Variants in PLCG1 observed in about 807,000 individuals in gnomAD.
PLCG1 encodes the protein 1-phosphatidylinositol 4,5-bisphosphate phosphodiesterase gamma-1.
A neutral mutation model predicts 177.8 loss-of-function variants in PLCG1; 71 were observed. That is an observed-to-expected ratio of 0.40 (90% CI 0.33 to 0.49). The LOEUF is 0.49. Among genes scored for constraint, PLCG1 ranks in the 20% least tolerant of loss-of-function variants. PLCG1 has a pLI of 0.72. For synonymous variants in PLCG1, 658 were observed against 647.9 expected (o/e 1.02, Z -0.24); for missense variants, 1,281 against 1,709.0 (o/e 0.75, Z 4.42).
chr20:41,169,666 C>T, intron 23 of PLCG1, 140 bp downstream of exon 23: 1 of 695,748 alleles, frequency 1.4e-6, no homozygotes, highest in South Asian at 1.7e-5. Context: ...ATGCTCTGGA[C>T]ATCCCCTTGA....
rs535670614 is a variant in PLCG1, at chr20:41,168,317, C to T, written c.2379+388C>T. ...AAGGCCTGGGCCCTATTTCTCACCC[C>T]CTCCCCTCCACAGCCAGGGGACCTG... On this transcript the variant is annotated intron_variant, in intron 20 of 31. Coordinates refer to ENST00000685551, the MANE Select transcript of PLCG1 (RefSeq NM_002660.3). Among the ~76,000 whole-genome samples the T allele has an allele frequency of 3.5e-4, 53 of 152,338 alleles. 1 individual carries two copies. In the South Asian group the frequency reaches 0.011, roughly 31 times the overall value.
chr20:41,159,729 A>G lies in PLCG1; in HGVS notation c.341A>G (p.Glu114Gly). The G allele has an allele frequency of 3.7e-6, 6 of 1,614,166 alleles. No individual in the cohort carries two copies. Among genetic ancestry groups the G allele is most frequent in the Non-Finnish European group, 5.1e-6 (6 of 1,180,034 alleles). ...TGCTTTGTCATTCTCTATGGAATGG[A>G]ATTTCGCCTGAAAACGCTGAGCCTG... Reference protein sequence around the residue: ...SHCFVILYGMEFRLKTLSLQA... With the variant: ...SHCFVILYGMGFRLKTLSLQA... The change falls in exon 2 of 32, where the codon GAA becomes GGA. Residue 114 changes from glutamate to glycine, a missense_variant. Physicochemically the swap from Glu to Gly is moderately conservative, Grantham distance 98 (BLOSUM62 -2). Transcript: ENST00000685551. This position sits in a 1 kb window ranked among gnomAD's most constrained non-coding sequence, Gnocchi z 6.0.
chr20:41,152,791 G>A, intron 1 of PLCG1, among the ~76,000 whole-genome samples: 1 of 152,288 alleles, frequency 6.6e-6, no homozygotes, highest in East Asian at 1.9e-4. Flanking sequence ...GGAAGCACCA[G>A]CAGGTGTGAC....
chr20:41,176,198 A>G lies in PLCG1; in HGVS notation c.*1689A>G, dbSNP rs1465834899. ...GCTGTGCTGGGATGGAACAAAAATG[A>G]CGCCACACAAAAAATTTAAGATAGA... On this transcript the variant is annotated 3_prime_UTR_variant, in exon 32 of 32. Transcript: ENST00000685551. 6.6e-6 allele frequency: 1 copy of G among 152,126 alleles called. No individual in the cohort carries two copies. The highest frequency in any genetic ancestry group is 1.5e-5 in the Non-Finnish European group (1 of 68,022). 9.4% of individuals were successfully genotyped at this position (152,126 alleles called of 1,614,324 possible). A position where few individuals can be genotyped will look rare whatever the true frequency, so the allele number is the denominator to read the frequency against.
Position 41,159,714 on chromosome 20 carries a change from T to C in PLCG1, c.326T>C (p.Ile109Thr), listed in dbSNP as rs367808225. 3.1e-6 allele frequency: 5 copies of C among 1,614,192 alleles called. No individual in the cohort carries two copies. The highest frequency in any genetic ancestry group is 4.2e-6 in the Non-Finnish European group (5 of 1,180,024). The change falls in exon 2 of 32, where the codon ATT (isoleucine) becomes ACT (threonine). Residue 109 changes from isoleucine (I) to threonine (T), a missense_variant. By Grantham distance (89) the Ile-to-Thr change is moderately conservative (BLOSUM62 -1). Around this residue, in one of 4 missense-constraint regions of PLCG1, gnomAD observed 374 missense variants for 443.8 expected, o/e 0.84. Coordinates refer to ENST00000685551, the MANE Select transcript of PLCG1 (RefSeq NM_002660.3). This position sits in a 1 kb window ranked among gnomAD's most constrained non-coding sequence, Gnocchi z 6.0. ...FRPDQSHCFV[I>T]LYGMEFRLKT... ...CCGGACCAGTCACATTGCTTTGTCA[T>C]TCTCTATGGAATGGAATTTCGCCTG...
rs200683773 is a variant in PLCG1, at chr20:41,173,816, G to A, written c.3556+3G>A. The A allele has an allele frequency of 9.9e-6, 16 of 1,613,312 alleles. No homozygotes were observed. The East Asian group carries it at 3.3e-4, about 34-fold the overall frequency. ...CCCAGTAAAAGGCCTGAAGACAGGT[G>A]AGGACCATTCCTGGAGGCAGTGCCC... On this transcript the variant is annotated splice_donor_region_variant and intron_variant, in intron 29 of 31. Transcript: ENST00000685551. This position sits in a 1 kb window ranked among gnomAD's most constrained non-coding sequence, Gnocchi z 6.2.
chr20:41,158,592 GTTTCTAGCTGTTACGAC>G (rs1186573883), intron 1 of PLCG1, among the ~76,000 whole-genome samples: 1 of 152,186 alleles, frequency 6.6e-6, no homozygotes, highest in Non-Finnish European at 1.5e-5. Flanking sequence ...AGTGCTGGGT[GTTTCTAGCTGTTACGAC>G]TTTTGATCTT....
chr20:41,143,922 C>T (rs1163022100), intron 1 of PLCG1, among the ~76,000 whole-genome samples: 1 of 152,174 alleles, frequency 6.6e-6, no homozygotes, highest in Non-Finnish European at 1.5e-5. Context: ...TTACTCTCAC[C>T]TTTGTTAACC....
At position 41,159,797 on chromosome 20, in the gene PLCG1, G is replaced by C; in HGVS notation, c.370+39G>C. ...GGGTAGAGGAGGTAGAGGATAGTTA[G>C]GGGAATGCCTGCTGGCTCCTGCCCA... On this transcript the variant is annotated intron_variant, in intron 2 of 31. Transcript: ENST00000685551. This position sits in a 1 kb window ranked among gnomAD's most constrained non-coding sequence, Gnocchi z 6.0. The C allele has an allele frequency of 6.2e-7, 1 of 1,613,986 alleles. No homozygotes were observed. The highest frequency in any genetic ancestry group is 8.5e-7 in the Non-Finnish European group (1 of 1,179,846).
chr20:41,146,692 G>A lies in PLCG1; in HGVS notation c.217+8834G>A, dbSNP rs909976499. ...CCTGGGGATATGGTTGAGTTAAAAT[G>A]TTCTGAGGGAAATGATTGTTGAGGG... On this transcript the variant is annotated intron_variant, in intron 1 of 31. Coordinates refer to ENST00000685551, the MANE Select transcript of PLCG1 (RefSeq NM_002660.3). The surrounding 1 kb of genome is among the most constrained non-coding windows in gnomAD (Gnocchi z 6.3). Among the ~76,000 whole-genome samples, 1 of 152,218 alleles carries A rather than the reference G, an allele frequency of 6.6e-6. No individual in the cohort carries two copies. The highest frequency in any genetic ancestry group is 2.4e-5 in the African/African-American group (1 of 41,448).
At position 41,160,545 on chromosome 20, in the gene PLCG1, T is replaced by C. The variant is rs1410787224; in HGVS notation, c.512+392T>C. On this transcript the variant is annotated intron_variant, in intron 4 of 31. Coordinates refer to ENST00000685551, the MANE Select transcript of PLCG1 (RefSeq NM_002660.3). The surrounding 1 kb of genome is among the most constrained non-coding windows in gnomAD (Gnocchi z 5.5). ...AGCAAAGACCAGATAGTGTGGGTGCTGCACCATGGTGAGGTCCTTTGACCT... is the reference window on the plus strand; with the variant it reads ...AGCAAAGACCAGATAGTGTGGGTGCCGCACCATGGTGAGGTCCTTTGACCT... Among the ~76,000 whole-genome samples the C allele has an allele frequency of 6.6e-6, 1 of 152,180 alleles. No individual in the cohort carries two copies.
rs770095468 is a variant in PLCG1 at position 41,162,675 on chromosome 20, G to A, written c.631G>A (p.Gly211Arg). 9 of 1,613,834 alleles carry A rather than the reference G, an allele frequency of 5.6e-6. No homozygotes were observed. The highest frequency in any genetic ancestry group is 7.6e-6 in the Non-Finnish European group (9 of 1,179,982). The change falls in exon 6 of 32, where the codon GGG (glycine) becomes AGG (arginine). Residue 211 changes from glycine to arginine, a missense_variant. Gly to Arg is a moderately radical substitution (Grantham distance 125, BLOSUM62 -2). Around this residue, in one of 4 missense-constraint regions of PLCG1, gnomAD observed 374 missense variants for 443.8 expected, o/e 0.84. Coordinates refer to ENST00000685551, the MANE Select transcript of PLCG1 (RefSeq NM_002660.3). Reference protein sequence around the residue: ...LEQRSGDITYGQFAQLYRSLM... With the variant: ...LEQRSGDITYRQFAQLYRSLM... Reference sequence around the variant, plus strand: ...GCAGCGCAGCGGGGACATCACCTACGGGCAGTTTGCTCAGCTGTACCGCAG... The same window carrying A: ...GCAGCGCAGCGGGGACATCACCTACAGGCAGTTTGCTCAGCTGTACCGCAG...
chr20:41,143,648 A>G (rs1343050647), intron 1 of PLCG1, among the ~76,000 whole-genome samples: 1 of 152,118 alleles, frequency 6.6e-6, no homozygotes, highest in South Asian at 2.1e-4. Flanking sequence ...AGATAGTCCC[A>G]CCTTGCTGGT....
chr20:41,168,953 G>A, intron 21 of PLCG1, 83 bp downstream of exon 21: 1 of 1,144,590 alleles, frequency 8.7e-7, no homozygotes, highest in Non-Finnish European at 1.3e-6. Context: ...TGATGTGCTT[G>A]TCTCCTGTGT....
At position 41,164,769 on chromosome 20, in the gene PLCG1, C is replaced by T. The variant is rs1025690828; in HGVS notation, c.1218-164C>T. Among the ~76,000 whole-genome samples, 9 of 152,196 alleles carry T rather than the reference C, an allele frequency of 5.9e-5. No homozygotes were observed. The highest frequency in any genetic ancestry group is 1.0e-4 in the Non-Finnish European group (7 of 68,028). On this transcript the variant is annotated intron_variant, in intron 12 of 31. Transcript: ENST00000685551. This position sits in a 1 kb window ranked among gnomAD's most constrained non-coding sequence, Gnocchi z 6.4. ...TTCCACTGCTGCCACAGCTGTAGAA[C>T]CCCTCTCTGCCCCACCAGTGGCTAT...
At chr20:41,171,335 C>T (rs35931199) in intron 24 of PLCG1, among the ~76,000 whole-genome samples, 1 of 152,072 alleles carries the variant, frequency 6.6e-6, no homozygotes, top group Non-Finnish European at 1.5e-5. Context: ...GCCTGTAATC[C>T]CAGCACTTTG....
At chr20:41,161,754 GC>G (rs1281730935) in intron 4 of PLCG1, among the ~76,000 whole-genome samples, 10 of 114,940 alleles carry the variant, frequency 8.7e-5, no homozygotes, top group African/African-American at 1.3e-4. Context: ...AGGAGAGAAA[GC>G]CCCCCCCTTC....
rs1370182043 is a variant in PLCG1 at position 41,159,900 on chromosome 20, T to A, written c.401T>A (p.Ile134Asn). 1 of 1,614,144 alleles carries A rather than the reference T, an allele frequency of 6.2e-7. No individual in the cohort carries two copies. Among genetic ancestry groups the A allele is most frequent in the Admixed American group, 1.7e-5 (1 of 60,024 alleles). Reference protein sequence around the residue: ...ATSEDEVNMWIKGLTWLMEDT... With the variant: ...ATSEDEVNMWNKGLTWLMEDT... ...TCTGAGGATGAAGTGAACATGTGGA[T>A]CAAGGGCTTAACTTGGCTGATGGAG... The change falls in exon 3 of 32, where the codon ATC (isoleucine) becomes AAC (asparagine). Residue 134 changes from isoleucine (I) to asparagine (N), a missense_variant. Ile to Asn is a moderately radical substitution (Grantham distance 149). Coordinates refer to ENST00000685551, the MANE Select transcript of PLCG1 (RefSeq NM_002660.3). This position sits in a 1 kb window ranked among gnomAD's most constrained non-coding sequence, Gnocchi z 6.0.
chr20:41,165,172 T>C lies in PLCG1; in HGVS notation c.1386+71T>C. The C allele has an allele frequency of 1.2e-6, 2 of 1,604,474 alleles. No individual in the cohort carries two copies. Among genetic ancestry groups the C allele is most frequent in the Non-Finnish European group, 1.7e-6 (2 of 1,173,980 alleles). ...TTGCCCAGGCCATGGCTTCAGCTGTTGGGCCTAAACCTGGGTGAGGAGGTG... is the reference window on the plus strand; with the variant it reads ...TTGCCCAGGCCATGGCTTCAGCTGTCGGGCCTAAACCTGGGTGAGGAGGTG... On this transcript the variant is annotated intron_variant, in intron 13 of 31. Transcript: ENST00000685551. The surrounding 1 kb of genome is among the most constrained non-coding windows in gnomAD (Gnocchi z 6.6).
Sources: gnomAD v4.1 joint callset for allele counts (sites outside exome capture counted in the v4.1 genomes callset) on GRCh38, gnomAD v4.1.1 for gene constraint, gnomAD v4.1.1 regional missense constraint, Gnocchi (gnomAD v3.1) non-coding constraint, MANE v1.5 for transcripts, NCBI Gene and HGNC (gene_info 2026-07-23, HGNC 2026-07-21) for gene names.